The following DPH6 variants were observed in gnomAD, a reference collection of about 807,000 sequenced individuals.
DPH6 encodes diphthine--ammonia ligase.
A neutral mutation model predicts 38.2 loss-of-function variants in DPH6; 33 were observed. The observed-to-expected ratio is 0.86, with a 90% CI of 0.65 to 1.15. The LOEUF (loss-of-function observed/expected upper bound fraction) is 1.15. Ranked by LOEUF, DPH6 falls within the 50% of genes most tolerant of loss-of-function variation. The pLI is 0.00. For synonymous variants in DPH6, 108 were observed against 103.0 expected, an observed-to-expected ratio of 1.05 and a Z score of -0.30; for missense variants, 325 against 320.0, an observed-to-expected ratio of 1.02 and a Z score of -0.12.
chr15:35,167,572 TAAAA>T, the DPH6 span, among the ~76,000 whole-genome samples: 4,631 of 143,866 alleles, frequency 0.032, 84 homozygotes, highest in Middle Eastern at 0.046. Context: ...GTCTTTTTTT[TAAAA>T]AAAAAAAAAA....
At chr15:35,262,447 C>T (rs2140419299) in intron 3 of DPH6, among the ~76,000 whole-genome samples, 1 of 152,160 alleles carries the variant, frequency 6.6e-6, no homozygotes, top group African/African-American at 2.4e-5. Context: ...TGGCTCACGC[C>T]TGTAATCCCA....
intron 3 of DPH6, among the ~76,000 whole-genome samples, chr15:35,462,960 C>T (rs1942802747): frequency 6.6e-6 from 1 of 151,946 alleles, no homozygotes; most frequent in Non-Finnish European, 1.5e-5. Flanking sequence ...ATATACATAA[C>T]AAAGGGTATC....
chr15:35,223,458 T>C (rs1309551382), intron 3 of DPH6, among the ~76,000 whole-genome samples: 1 of 152,086 alleles, frequency 6.6e-6, no homozygotes, highest in Admixed American at 6.5e-5. Context: ...AGGCCAAGGC[T>C]GGTGGATCAC....
chr15:35,462,525 C>T (rs1026616859), intron 3 of DPH6, among the ~76,000 whole-genome samples: 1 of 152,166 alleles, frequency 6.6e-6, no homozygotes, highest in African/African-American at 2.4e-5. Context: ...ACCTCAAGGT[C>T]TCTGGGCTTA....
At chr15:35,286,716 G>A (rs1359721546) in intron 3 of DPH6, among the ~76,000 whole-genome samples, 1 of 152,136 alleles carries the variant, frequency 6.6e-6, no homozygotes, top group African/African-American at 2.4e-5. Context: ...TAAATCCTTA[G>A]TTTATTAAAA....
chr15:35,356,685 C>T (rs958471590), intron 3 of DPH6, among the ~76,000 whole-genome samples: 3 of 152,208 alleles, frequency 2.0e-5, no homozygotes, highest in Admixed American at 2.0e-4. Context: ...AGGTGTCAGT[C>T]TGCCCCTACT....
Position 35,474,534 on chromosome 15 carries a change from G to A in DPH6, c.313-19714C>T, listed in dbSNP as rs552704080. The stretch of plus-strand genomic sequence containing the variant: ...ACCTGCACATGGTTAGGTTAATTAA[G>A]TTAAAAAACAGATCTATTTGCCAGT... On this transcript the variant is annotated intron_variant, in intron 3 of 8. Transcript: ENST00000256538. Among the ~76,000 whole-genome samples the A allele has an allele frequency of 2.1e-3, 325 of 152,216 alleles. 2 individuals are homozygous for A. Among genetic ancestry groups the A allele is most frequent in the African/African-American group, 7.6e-3 (315 of 41,552 alleles).
chr15:35,507,229 AAC>A (rs1392998727), intron 3 of DPH6, among the ~76,000 whole-genome samples: 3 of 152,086 alleles, frequency 2.0e-5, no homozygotes, highest in Non-Finnish European at 4.4e-5. Context: ...GAAAAAAGAA[AAC>A]ACACAAATTT....
chr15:35,413,022 T>G (rs1171632800), intron 5 of DPH6, among the ~76,000 whole-genome samples: 1 of 151,504 alleles, frequency 6.6e-6, no homozygotes, highest in Non-Finnish European at 1.5e-5. Context: ...TTCAACAATT[T>G]TAACAAATGT....
At chr15:35,189,888 A>G in the DPH6 span, among the ~76,000 whole-genome samples, 2 of 152,224 alleles carry the variant, frequency 1.3e-5, no homozygotes, top group Admixed American at 1.3e-4. Flanking sequence ...GAATGGACTT[A>G]GGAAGCAGAC....
intron 3 of DPH6, among the ~76,000 whole-genome samples, chr15:35,510,393 T>C (rs1227974853): frequency 6.6e-6 from 1 of 152,200 alleles, no homozygotes; most frequent in African/African-American, 2.4e-5. Context: ...TCCATTTTTG[T>C]ATAGGAAATT....
chr15:35,218,208 A>G (rs191554216), exon 4 of DPH6: 32 of 152,222 alleles, frequency 2.1e-4, no homozygotes, highest in African/African-American at 7.5e-4. Flanking sequence ...CCTCAGACAC[A>G]ATCAACCACA....
intron 3 of DPH6, among the ~76,000 whole-genome samples, chr15:35,304,589 C>T (rs1429105487): frequency 6.6e-6 from 1 of 152,060 alleles, no homozygotes; most frequent in African/African-American, 2.4e-5. Flanking sequence ...ATCCAGTTAT[C>T]AATTCATCTC....
At chr15:35,385,104 C>G (rs565113227) in intron 6 of DPH6, among the ~76,000 whole-genome samples, 2 of 152,044 alleles carry the variant, frequency 1.3e-5, no homozygotes, top group Admixed American at 1.3e-4. Context: ...CGATCATTAA[C>G]AAGTCAGGAA....
chr15:35,416,081 GGAA>G (rs560954604), intron 5 of DPH6, among the ~76,000 whole-genome samples: 9 of 152,030 alleles, frequency 5.9e-5, no homozygotes, highest in South Asian at 2.1e-4. Flanking sequence ...GGGCCACACT[GGAA>G]GAAGAATTGT....
chr15:35,473,667 A>T (rs1033272613), intron 3 of DPH6, among the ~76,000 whole-genome samples: 1 of 152,142 alleles, frequency 6.6e-6, no homozygotes, highest in Non-Finnish European at 1.5e-5. Flanking sequence ...AGGCCCATAA[A>T]TTCCACCTAA....
chr15:35,386,979 A>G (rs974679312), intron 6 of DPH6, among the ~76,000 whole-genome samples: 3 of 152,228 alleles, frequency 2.0e-5, no homozygotes, highest in African/African-American at 7.2e-5. Flanking sequence ...TTTTAGGTCT[A>G]ACATGTAAGT....
intron 3 of DPH6, among the ~76,000 whole-genome samples, chr15:35,240,876 T>C (rs372045275): frequency 7.0e-6 from 1 of 143,100 alleles, no homozygotes; most frequent in Non-Finnish European, 1.5e-5. Context: ...CACAACAGGA[T>C]TTAATTAACC....
At chr15:35,348,308 T>C (rs1361833612) in intron 3 of DPH6, among the ~76,000 whole-genome samples, 1 of 152,216 alleles carries the variant, frequency 6.6e-6, no homozygotes, top group Non-Finnish European at 1.5e-5. Context: ...ATTTAATCCA[T>C]TTTTAATTAC....
Sources: allele counts gnomAD v4.1 joint callset (sites outside exome capture counted in the v4.1 genomes callset), GRCh38; gene constraint gnomAD v4.1.1; transcripts MANE v1.5; gene names NCBI Gene and HGNC (gene_info 2026-07-23, HGNC 2026-07-21).